CDYL: variants seen among roughly 807,000 people sequenced by gnomAD.
CDYL encodes the protein chromodomain Y like.
In CDYL, 8 loss-of-function variants were observed where a neutral mutation model predicts 47.3. That is an observed-to-expected ratio of 0.17 (90% CI 0.10 to 0.31). The LOEUF (loss-of-function observed/expected upper bound fraction) is 0.31. Among genes scored for constraint, CDYL ranks in the 10% least tolerant of loss-of-function variants. The pLI is 1.00. For synonymous variants in CDYL, 266 were observed against 265.0 expected (o/e 1.00, Z -0.04); for missense variants, 471 against 701.4 (o/e 0.67, Z 3.71).
chr6:4,898,061 C>CA lies in CDYL; in HGVS notation c.691+5692dup, dbSNP rs548150869. Among the ~76,000 whole-genome samples the CA allele has an allele frequency of 2.2e-3, 327 of 147,456 alleles. 1 individual carries two copies. Among genetic ancestry groups the CA allele is most frequent in the Non-Finnish European group, 3.5e-3 (235 of 66,454 alleles). On this transcript the variant is annotated intron_variant, in intron 2 of 6. Transcript: ENST00000397588. ...CAATTGAGCAAGACTGCGTCTCCACCAAAAAAAAAATCCAGGCATGGTGAC... is the reference window on the plus strand; with the variant it reads ...CAATTGAGCAAGACTGCGTCTCCACCAAAAAAAAAAATCCAGGCATGGTGAC...
chr6:4,754,825 T>C (rs1041730531), intron 3 of CDYL, among the ~76,000 whole-genome samples: 1 of 152,196 alleles, frequency 6.6e-6, no homozygotes, highest in African/African-American at 2.4e-5. Context: ...AATTAAAATA[T>C]TTACTAATAT....
At position 4,892,072 on chromosome 6, in the gene CDYL, C is replaced by T. The variant is rs1270270703; in HGVS notation, c.384C>T (p.Ser128=). The change falls in exon 2 of 7, where the codon TCC becomes TCT. Residue 128 remains serine (S), a synonymous_variant. Transcript: ENST00000397588. ...GGAAGAACACAGCTCCATCTCTCTC[C>T]AGCCGGAAGAACATGGACCTAGCGA... ...KFRKNTAPSL[S]SRKNMDLAKS... 9 of 1,614,118 alleles carry T rather than the reference C, an allele frequency of 5.6e-6. No individual in the cohort carries two copies. Among genetic ancestry groups the T allele is most frequent in the Non-Finnish European group, 6.8e-6 (8 of 1,180,050 alleles).
chr6:4,724,475 C>T (rs67528295), intron 2 of CDYL: 14,646 of 152,658 alleles, frequency 0.096, 801 homozygotes, highest in African/African-American at 0.14. Flanking sequence ...TGCTCGCGTC[C>T]GGAATCGGTG....
intron 1 of CDYL, among the ~76,000 whole-genome samples, chr6:4,887,896 TA>T (rs1345420510): frequency 6.6e-6 from 1 of 151,738 alleles, no homozygotes; most frequent in African/African-American, 2.4e-5. Context: ...TTTTTTTTTT[TA>T]ATCATGAAGA....
At chr6:4,783,450 CTT>C (rs1446717953) in intron 1 of CDYL, among the ~76,000 whole-genome samples, 1 of 146,120 alleles carries the variant, frequency 6.8e-6, no homozygotes, top group Non-Finnish European at 1.5e-5. Flanking sequence ...GCGTTTCACT[CTT>C]GTCGCCCAGG....
intron 2 of CDYL, among the ~76,000 whole-genome samples, chr6:4,920,436 A>G (rs1757678389): frequency 6.6e-6 from 1 of 152,206 alleles, no homozygotes; most frequent in African/African-American, 2.4e-5. Flanking sequence ...ATAATTATTT[A>G]AAGACAAAGT....
chr6:4,900,273 C>G (rs1451992527), intron 2 of CDYL, among the ~76,000 whole-genome samples: 1 of 152,252 alleles, frequency 6.6e-6, no homozygotes, highest in Non-Finnish European at 1.5e-5. Context: ...TTTTAAGACT[C>G]AAATTATTTC....
intron 2 of CDYL, among the ~76,000 whole-genome samples, chr6:4,896,858 A>G (rs1324786696): frequency 6.6e-6 from 1 of 152,226 alleles, no homozygotes; most frequent in Admixed American, 6.5e-5. Context: ...TTTGCCACCA[A>G]AAACCACAGA....
chr6:4,866,078 T>G (rs1433719729), intron 1 of CDYL, among the ~76,000 whole-genome samples: 1 of 152,196 alleles, frequency 6.6e-6, no homozygotes, highest in African/African-American at 2.4e-5. Context: ...AATTATTAGA[T>G]TAGAAACTGA....
At chr6:4,735,401 G>A (rs1757684939) in intron 3 of CDYL, among the ~76,000 whole-genome samples, 1 of 152,050 alleles carries the variant, frequency 6.6e-6, no homozygotes, top group Non-Finnish European at 1.5e-5. Context: ...TTGAAAATGT[G>A]TACTCTAGTA....
intron 1 of CDYL, among the ~76,000 whole-genome samples, chr6:4,795,025 G>A (rs931482149): frequency 4.6e-4 from 69 of 151,486 alleles, no homozygotes; most frequent in African/African-American, 1.5e-3. Context: ...GGCTAGGACC[G>A]TCAAGTACAA....
intron 2 of CDYL, among the ~76,000 whole-genome samples, chr6:4,905,061 G>A (rs1183369207): frequency 1.3e-5 from 2 of 152,136 alleles, no homozygotes; most frequent in Non-Finnish European, 2.9e-5. Context: ...TCTACCCCTA[G>A]CGTGATCTGA....
chr6:4,937,515 A>T lies in CDYL; in HGVS notation c.949-50A>T. 8.4e-6 allele frequency: 10 copies of T among 1,190,352 alleles called. 1 individual carries two copies. The highest frequency in any genetic ancestry group is 3.1e-5 in the Admixed American group (1 of 31,946). The allele number at this position is 1,190,352 out of a possible 1,614,324, so 73.7% of individuals were successfully genotyped here. A position where few individuals can be genotyped will look rare whatever the true frequency, so the allele number is the denominator to read the frequency against. ...TCTCCAAAAAAAAAAATGCTTTAAG[A>T]TTTTAAACCCAAAATATTCTTTGCC... On this transcript the variant is annotated intron_variant, in intron 3 of 6. Coordinates refer to ENST00000397588, the MANE Select transcript of CDYL (RefSeq NM_004824.4).
upstream of CDYL, among the ~76,000 whole-genome samples, chr6:4,772,223 C>T (rs1044380063): frequency 2.0e-5 from 3 of 152,078 alleles, no homozygotes; most frequent in East Asian, 1.9e-4. Context: ...ATTGGCATCA[C>T]GAGGGCAAAG....
At chr6:4,907,377 C>T (rs1046541137) in intron 2 of CDYL, among the ~76,000 whole-genome samples, 2 of 152,150 alleles carry the variant, frequency 1.3e-5, no homozygotes, top group Admixed American at 6.5e-5. Flanking sequence ...TTTTCTGAGA[C>T]AGGGTCCGGC....
intron 2 of CDYL, among the ~76,000 whole-genome samples, chr6:4,725,929 A>G (rs148880447): frequency 1.4e-4 from 22 of 151,986 alleles, no homozygotes; most frequent in African/African-American, 5.3e-4. Context: ...TGTCAAAGCC[A>G]AAAACAAAAG....
At chr6:4,711,569 G>A (rs890690384) in intron 1 of CDYL, among the ~76,000 whole-genome samples, 5 of 152,178 alleles carry the variant, frequency 3.3e-5, no homozygotes, top group Non-Finnish European at 7.3e-5. Context: ...TTCAGATGCT[G>A]GGGTTTTTTT....
rs193103847 is a variant in CDYL at position 4,757,931 on chromosome 6, T to C, written c.186+23087T>C. 1.4e-4 allele frequency among the ~76,000 whole-genome samples: 22 copies of C among 152,344 alleles called. No homozygotes were observed. In the East Asian group the frequency reaches 3.5e-3, roughly 24 times the overall value. ...CCCAAAAGATGGCTTTATCACTAAA[T>C]GAAAGAAACTGGATGATAAACTATA... On this transcript the variant is annotated intron_variant, in intron 3 of 8. Coordinates refer to the CDYL transcript ENST00000328908.
At chr6:4,791,598 C>T (rs1029842728) in intron 1 of CDYL, among the ~76,000 whole-genome samples, 1 of 152,124 alleles carries the variant, frequency 6.6e-6, no homozygotes, top group Non-Finnish European at 1.5e-5. Flanking sequence ...ATCCACTTGG[C>T]AGACAGGCCC....
Sources: gnomAD v4.1 joint callset for allele counts (sites outside exome capture counted in the v4.1 genomes callset) on GRCh38, gnomAD v4.1.1 for gene constraint, MANE v1.5 for transcripts, NCBI Gene and HGNC (gene_info 2026-07-23, HGNC 2026-07-21) for gene names.